The following C11orf54 variants were observed in gnomAD, a reference collection of about 807,000 sequenced individuals.
The protein encoded by C11orf54 is beta-keto L-gulonate decarboxylase.
Under a neutral mutation model 35.5 loss-of-function variants are expected in C11orf54, and 29 were observed. The ratio of observed to expected loss-of-function variants is 0.82; its 90% CI spans 0.61 to 1.11. The LOEUF (loss-of-function observed/expected upper bound fraction) is 1.11, where lower values mean the gene tolerates loss of function less well. Ranked by LOEUF, C11orf54 falls within the 50% of genes most tolerant of loss-of-function variation. The pLI, the probability that C11orf54 is intolerant of heterozygous loss-of-function variation, is 0.00. For synonymous variants in C11orf54, 108 were observed against 121.1 expected, an observed-to-expected ratio of 0.89 and a Z score of 0.71; for missense variants, 373 against 369.2, an observed-to-expected ratio of 1.01 and a Z score of -0.08.
intron 2 of C11orf54, among the ~76,000 whole-genome samples, chr11:93,747,728 T>G (rs990119157): frequency 6.6e-6 from 1 of 152,190 alleles, no homozygotes; most frequent in South Asian, 2.1e-4. Flanking sequence ...TTACAAGATG[T>G]AAATGATTAG....
intron 7 of C11orf54, among the ~76,000 whole-genome samples, chr11:93,759,129 T>TA (rs1391065846): frequency 6.6e-6 from 1 of 152,186 alleles, no homozygotes; most frequent in African/African-American, 2.4e-5. Context: ...GAACTGGAAA[T>TA]ACCATTTGAC....
At chr11:93,757,207 C>A in intron 6 of C11orf54, 109 bp from the exon 7 acceptor site, 1 of 1,250,122 alleles carries the variant, frequency 8.0e-7, no homozygotes, top group Non-Finnish European at 1.1e-6. Flanking sequence ...TCTGGGGGCT[C>A]TAAGCAAAGA....
chr11:93,744,665 C>G (rs1404908652), intron 1 of C11orf54, among the ~76,000 whole-genome samples: 1 of 152,222 alleles, frequency 6.6e-6, no homozygotes, highest in Admixed American at 6.5e-5. Flanking sequence ...CTGTCTCATT[C>G]CTGAACAATT....
chr11:93,756,586 A>G (rs947333420), intron 6 of C11orf54, among the ~76,000 whole-genome samples: 1 of 152,102 alleles, frequency 6.6e-6, no homozygotes, highest in African/African-American at 2.4e-5. Flanking sequence ...TGTCATCTAC[A>G]TGAACCATAC....
intron 2 of C11orf54, among the ~76,000 whole-genome samples, chr11:93,749,625 G>C (rs1378471758): frequency 2.6e-5 from 4 of 151,922 alleles, no homozygotes; most frequent in Non-Finnish European, 4.4e-5. Flanking sequence ...GACCAGCCTG[G>C]GCAATATAGC....
Position 93,755,279 on chromosome 11 carries a change from A to T in C11orf54, c.400A>T (p.Asn134Tyr). The change falls in exon 6 of 9, where the codon AAC (asparagine) becomes TAC (tyrosine). Residue 134 changes from asparagine (N) to tyrosine (Y), a missense_variant. Transcript: ENST00000354421. ...AAATGGAAGTTACTTTGCCCATGTGAACCCTGCAGATGGAGGGTGCCTACT... is the reference window on the plus strand; with the variant it reads ...AAATGGAAGTTACTTTGCCCATGTGTACCCTGCAGATGGAGGGTGCCTACT... ...PVNGSYFAHV[N>Y]PADGGCLLEK... The T allele has an allele frequency of 6.2e-7, 1 of 1,614,080 alleles. No individual in the cohort carries two copies. Among genetic ancestry groups the T allele is most frequent in the South Asian group, 1.1e-5 (1 of 91,084 alleles).
intron 3 of C11orf54, among the ~76,000 whole-genome samples, chr11:93,751,621 G>A (rs1440526382): frequency 6.6e-6 from 1 of 151,586 alleles, no homozygotes; most frequent in Admixed American, 6.6e-5. Flanking sequence ...AGCCAGGATG[G>A]TCTCGATCTC....
chr11:93,744,237 A>G (rs888152681), intron 1 of C11orf54, among the ~76,000 whole-genome samples: 7 of 152,326 alleles, frequency 4.6e-5, no homozygotes, highest in East Asian at 3.9e-4. Context: ...GCACTTATCC[A>G]CTAATCCCTA....
chr11:93,759,538 C>G (rs1943345483), intron 7 of C11orf54, among the ~76,000 whole-genome samples: 2 of 152,070 alleles, frequency 1.3e-5, no homozygotes, highest in Admixed American at 1.3e-4. Flanking sequence ...GGAGAAATAC[C>G]TAATGTAGGT....
chr11:93,754,159 T>C, intron 5 of C11orf54, 122 bp downstream of exon 5: 1 of 779,728 alleles, frequency 1.3e-6, no homozygotes, highest in South Asian at 1.7e-5. Flanking sequence ...GGTTTGATAC[T>C]ACTTGATGTA....
intron 1 of C11orf54, chr11:93,745,785 C>G (rs1942430486): frequency 6.6e-6 from 1 of 152,248 alleles, no homozygotes; most frequent in African/African-American, 2.4e-5. Context: ...AGTTTGAGAC[C>G]AACCTGGGCA....
chr11:93,755,918 G>C (rs1943118336), intron 6 of C11orf54, among the ~76,000 whole-genome samples: 1 of 151,540 alleles, frequency 6.6e-6, no homozygotes. Context: ...GTATTCCCAA[G>C]CATTTTGGGA....
chr11:93,758,377 C>G (rs987585768), intron 7 of C11orf54, among the ~76,000 whole-genome samples: 5 of 152,242 alleles, frequency 3.3e-5, no homozygotes, highest in African/African-American at 1.2e-4. Context: ...GCAGCTCAAA[C>G]CCGCGGCTGC....
intron 3 of C11orf54, 76 bp downstream of exon 3, chr11:93,750,520 T>A: frequency 9.1e-7 from 1 of 1,093,804 alleles, no homozygotes; most frequent in Non-Finnish European, 1.4e-6. Context: ...TTTAAGGACA[T>A]CTTAAATTAT....
At chr11:93,755,848 A>G (rs1480047029) in intron 6 of C11orf54, among the ~76,000 whole-genome samples, 1 of 152,058 alleles carries the variant, frequency 6.6e-6, no homozygotes, top group African/African-American at 2.4e-5. Context: ...AGGCAGAGCA[A>G]AAGTCATCTT....
intron 3 of C11orf54, among the ~76,000 whole-genome samples, chr11:93,752,389 AC>A: frequency 1.3e-5 from 2 of 152,274 alleles, no homozygotes; most frequent in East Asian, 3.9e-4. Context: ...TTCTACATGA[AC>A]TGGTCTTGCT....
rs1231795748 is a variant in C11orf54, at chr11:93,764,202, ATAAAT to A, written c.*2518_*2522del. ...GCTTAAAAGCCACCAGCAGTCAAAC[ATAAAT>A]TAAGTCAGATTCTTAATTACAGATT... On this transcript the variant is annotated 3_prime_UTR_variant, in exon 9 of 9. Transcript: ENST00000354421. 4 of 152,236 alleles carry A rather than the reference ATAAAT, an allele frequency of 2.6e-5. No individual in the cohort carries two copies. Among genetic ancestry groups the A allele is most frequent in the Admixed American group, 6.5e-5 (1 of 15,282 alleles). The allele number at this position is 152,236 out of a possible 1,614,324, so 9.4% of individuals were successfully genotyped here. A position where few individuals can be genotyped will look rare whatever the true frequency, so the allele number is the denominator to read the frequency against.
chr11:93,754,616 C>T (rs1361365842), intron 5 of C11orf54, among the ~76,000 whole-genome samples: 2 of 150,928 alleles, frequency 1.3e-5, no homozygotes, highest in Non-Finnish European at 2.9e-5. Flanking sequence ...AAGTTCTTTG[C>T]AGAAACATTA....
chr11:93,757,721 G>T (rs933532219), intron 7 of C11orf54, among the ~76,000 whole-genome samples: 1 of 152,104 alleles, frequency 6.6e-6, no homozygotes, highest in Non-Finnish European at 1.5e-5. Context: ...TAGAGACAAG[G>T]TTTTGCCACA....
Sources: gnomAD v4.1 joint callset for allele counts (sites outside exome capture counted in the v4.1 genomes callset) on GRCh38, gnomAD v4.1.1 for gene constraint, MANE v1.5 for transcripts, NCBI Gene and HGNC (gene_info 2026-07-23, HGNC 2026-07-21) for gene names.